The following RIMKLB variants were observed in gnomAD, a reference collection of about 807,000 sequenced individuals.
The protein encoded by RIMKLB is ribosomal modification protein rimK like family member B.
RIMKLB carries 7 observed loss-of-function variants against 32.0 expected under a neutral mutation model. The observed-to-expected ratio is 0.22, with a 90% confidence interval of 0.12 to 0.41. The LOEUF (loss-of-function observed/expected upper bound fraction) is 0.41. RIMKLB is among the 10% of genes least tolerant of loss of function. RIMKLB has a pLI of 1.00. For missense variants in RIMKLB, 289 were observed against 498.7 expected, an observed-to-expected ratio of 0.58 and a Z score of 4.00; for synonymous variants, 172 against 185.1, an observed-to-expected ratio of 0.93 and a Z score of 0.57.
intron 1 of RIMKLB, among the ~76,000 whole-genome samples, chr12:8,708,020 A>G (rs1002656199): frequency 2.0e-5 from 3 of 152,228 alleles, no homozygotes; most frequent in Non-Finnish European, 4.4e-5. Flanking sequence ...GTATGTTACA[A>G]TAGAATTCTA....
intron 2 of RIMKLB, among the ~76,000 whole-genome samples, chr12:8,727,128 T>C (rs922069338): frequency 2.0e-5 from 3 of 152,222 alleles, no homozygotes; most frequent in African/African-American, 4.8e-5. Context: ...TTAAGTGTTA[T>C]ATGTAACTGT....
chr12:8,748,089 C>T (rs1401894546), intron 2 of RIMKLB, among the ~76,000 whole-genome samples: 3 of 152,138 alleles, frequency 2.0e-5, no homozygotes, highest in Non-Finnish European at 4.4e-5. Context: ...ATATATGTTT[C>T]TGTATACTTA....
In RIMKLB at chr12:8,775,535, T is replaced by G. The variant is rs1238849041; in HGVS notation, c.*1751T>G. 3 of 985,716 alleles carry G rather than the reference T, an allele frequency of 3.0e-6. No individual in the cohort carries two copies. Among genetic ancestry groups the G allele is most frequent in the Non-Finnish European group, 3.6e-6 (3 of 829,922 alleles). The allele number at this position is 985,716 out of a possible 1,614,324, so 61.1% of individuals were successfully genotyped here. A position where few individuals can be genotyped will look rare whatever the true frequency, so the allele number is the denominator to read the frequency against. ...CTTTCTTGCCTCTCCAGTGCTATTT[T>G]CCTTCAGATGGACCTTAAACATAAT... On this transcript the variant is annotated 3_prime_UTR_variant, in exon 6 of 6. Transcript: ENST00000535829.
chr12:8,713,055 T>C (rs996232611), intron 1 of RIMKLB, among the ~76,000 whole-genome samples: 2 of 152,218 alleles, frequency 1.3e-5, no homozygotes, highest in Non-Finnish European at 2.9e-5. Context: ...AAAAAAGTCC[T>C]TTTTTGCATT....
At chr12:8,759,924 T>C (rs1211329766) in intron 5 of RIMKLB, among the ~76,000 whole-genome samples, 1 of 152,254 alleles carries the variant, frequency 6.6e-6, no homozygotes, top group Non-Finnish European at 1.5e-5. Context: ...TTTTATCCTG[T>C]GCCATCTTGG....
chr12:8,685,415 T>C (rs1942538996), intron 1 of RIMKLB, among the ~76,000 whole-genome samples: 1 of 152,252 alleles, frequency 6.6e-6, no homozygotes, highest in South Asian at 2.1e-4. Flanking sequence ...TGTTGGATTT[T>C]GTCACATGCT....
chr12:8,777,362 T>A, downstream of RIMKLB: 1 of 984,922 alleles, frequency 1.0e-6, no homozygotes, highest in Non-Finnish European at 1.2e-6. Flanking sequence ...GTCTTCCAGG[T>A]TTAATTTGAA....
intron 2 of RIMKLB, among the ~76,000 whole-genome samples, chr12:8,738,627 G>A (rs752898178): frequency 2.0e-5 from 3 of 152,022 alleles, no homozygotes; most frequent in Non-Finnish European, 2.9e-5. Context: ...CACACAACAC[G>A]ATTGCAAAAA....
At chr12:8,700,278 C>A (rs756209328) in intron 1 of RIMKLB, 2 of 152,312 alleles carry the variant, frequency 1.3e-5, no homozygotes, top group African/African-American at 4.8e-5. Flanking sequence ...TGTTGTGGCA[C>A]ATGGAGAAAC....
intron 1 of RIMKLB, among the ~76,000 whole-genome samples, chr12:8,682,570 A>C (rs1942439349): frequency 6.6e-6 from 1 of 151,906 alleles, no homozygotes; most frequent in Admixed American, 6.6e-5. Context: ...CAGGAGATCG[A>C]GACCATCCTG....
chr12:8,757,886 G>A (rs930559503), intron 5 of RIMKLB, among the ~76,000 whole-genome samples: 3 of 151,602 alleles, frequency 2.0e-5, no homozygotes, highest in Admixed American at 6.6e-5. Context: ...GTTTCTTATA[G>A]TGCCAACTTC....
At chr12:8,703,744 T>C (rs1943610207) in intron 1 of RIMKLB, among the ~76,000 whole-genome samples, 1 of 152,202 alleles carries the variant, frequency 6.6e-6, no homozygotes, top group Non-Finnish European at 1.5e-5. Context: ...ATTGTGACTT[T>C]AAACAAGTTA....
chr12:8,739,527 G>A (rs1947307114), intron 2 of RIMKLB, among the ~76,000 whole-genome samples: 1 of 152,134 alleles, frequency 6.6e-6, no homozygotes, highest in Non-Finnish European at 1.5e-5. Flanking sequence ...CCACGCTGGT[G>A]CGCAATGATG....
At chr12:8,730,115 T>C (rs1322844283) in intron 2 of RIMKLB, among the ~76,000 whole-genome samples, 2 of 152,226 alleles carry the variant, frequency 1.3e-5, no homozygotes, top group Admixed American at 1.3e-4. Flanking sequence ...ACTGGGTTTC[T>C]CACTCTGTCA....
intron 5 of RIMKLB, 51 bp downstream of exon 5, chr12:8,754,144 G>T: frequency 7.5e-7 from 1 of 1,333,000 alleles, no homozygotes; most frequent in South Asian, 1.2e-5. Context: ...ATTTATAATT[G>T]TCCAGTGAGT....
chr12:8,719,864 G>T (rs1369556686), intron 2 of RIMKLB, among the ~76,000 whole-genome samples: 1 of 152,236 alleles, frequency 6.6e-6, no homozygotes, highest in Non-Finnish European at 1.5e-5. Flanking sequence ...TGGATACAAG[G>T]ATGGAAAAGA....
At chr12:8,698,602 T>C (rs1194312477) in intron 1 of RIMKLB, among the ~76,000 whole-genome samples, 1 of 150,602 alleles carries the variant, frequency 6.6e-6, no homozygotes, top group Non-Finnish European at 1.5e-5. Context: ...GTGTAAGGAG[T>C]ATGGTTTCCC....
chr12:8,750,950 G>T (rs1413818827), intron 3 of RIMKLB, among the ~76,000 whole-genome samples: 1 of 152,142 alleles, frequency 6.6e-6, no homozygotes, highest in African/African-American at 2.4e-5. Context: ...GATTTCATGA[G>T]GCTTTACAAA....
At chr12:8,705,604 A>G (rs1943804369) in intron 1 of RIMKLB, among the ~76,000 whole-genome samples, 1 of 152,200 alleles carries the variant, frequency 6.6e-6, no homozygotes, top group Non-Finnish European at 1.5e-5. Flanking sequence ...CGAGTGCCTT[A>G]ATAAGGATAG....
Sources: gnomAD v4.1 joint callset for allele counts (sites outside exome capture counted in the v4.1 genomes callset) on GRCh38, gnomAD v4.1.1 for gene constraint, MANE v1.5 for transcripts, NCBI Gene and HGNC (gene_info 2026-07-23, HGNC 2026-07-21) for gene names.